Variants in BTBD16 observed in about 807,000 individuals in gnomAD.
The protein encoded by BTBD16 is BTB domain containing 16.
Under a neutral mutation model 67.4 loss-of-function variants are expected in BTBD16, and 66 were observed. The ratio of observed to expected loss-of-function variants is 0.98; its 90% CI spans 0.80 to 1.20. The LOEUF (loss-of-function observed/expected upper bound fraction) is 1.20, where lower values mean the gene tolerates loss of function less well. BTBD16 is among the 50% of genes most tolerant of loss of function. The pLI is 0.00. For synonymous variants in BTBD16, 242 were observed against 236.4 expected (o/e 1.02, Z -0.22); for missense variants, 634 against 616.0 (o/e 1.03, Z -0.31).
intron 11 of BTBD16, among the ~76,000 whole-genome samples, chr10:122,330,258 G>A (rs2096452955): frequency 6.6e-6 from 1 of 152,150 alleles, no homozygotes; most frequent in Non-Finnish European, 1.5e-5. Flanking sequence ...GAATGTTGGG[G>A]TGAGGCGTGG....
chr10:122,310,273 G>A (rs533638774), intron 10 of BTBD16, among the ~76,000 whole-genome samples: 8 of 152,310 alleles, frequency 5.3e-5, no homozygotes, highest in African/African-American at 1.7e-4. Flanking sequence ...GAAGAATGTC[G>A]CAGTAGATTA....
chr10:122,293,418 CGTT>C (rs2096377568), intron 7 of BTBD16, among the ~76,000 whole-genome samples: 1 of 152,132 alleles, frequency 6.6e-6, no homozygotes, highest in South Asian at 2.1e-4. Context: ...GTGGCAGCCT[CGTT>C]GGGAACGCAG....
chr10:122,324,632 G>T (rs969418522), intron 10 of BTBD16, among the ~76,000 whole-genome samples: 2 of 152,198 alleles, frequency 1.3e-5, no homozygotes, highest in East Asian at 3.8e-4. Context: ...GTGCAGGGAG[G>T]TTGGTATATT....
chr10:122,335,953 C>T (rs2096462663), intron 14 of BTBD16, among the ~76,000 whole-genome samples: 1 of 152,116 alleles, frequency 6.6e-6, no homozygotes, highest in Non-Finnish European at 1.5e-5. Context: ...ACTGCAACCT[C>T]CATATAAAGG....
chr10:122,274,821 C>T (rs530074099), intron 1 of BTBD16, among the ~76,000 whole-genome samples: 2 of 151,912 alleles, frequency 1.3e-5, no homozygotes, highest in South Asian at 4.2e-4. Context: ...AGAACAATAG[C>T]AGAGATCTCT....
rs371877046 is a variant in BTBD16 at position 122,329,566 on chromosome 10, C to T, written c.998C>T (p.Thr333Ile). ...LFLCLRLHGI[T>I]KGKDLEVLRH... is the part of the protein sequence containing the mutation. ...CTCTGCTTGCGTCTGCACGGCATCA[C>T]CAAAGGTAAGCCCCAGTCCAGGCGA... The change falls in exon 11 of 16, where the codon ACC becomes ATC. Residue 333 changes from threonine (T) to isoleucine (I), a missense_variant. Thr to Ile is a moderately conservative substitution (Grantham distance 89). Coordinates refer to ENST00000260723, the MANE Select transcript of BTBD16 (RefSeq NM_144587.5). 1.2e-6 allele frequency: 2 copies of T among 1,613,514 alleles called. No individual in the cohort carries two copies. Among genetic ancestry groups the T allele is most frequent in the African/African-American group, 2.7e-5 (2 of 74,946 alleles).
chr10:122,282,056 C>T (rs1256713967), intron 3 of BTBD16, among the ~76,000 whole-genome samples: 3 of 152,186 alleles, frequency 2.0e-5, no homozygotes, highest in African/African-American at 7.2e-5. Flanking sequence ...GCCTACATGA[C>T]GAATGGTATA....
chr10:122,301,129 C>T (rs957469130), intron 9 of BTBD16, among the ~76,000 whole-genome samples: 3 of 152,150 alleles, frequency 2.0e-5, no homozygotes, highest in East Asian at 3.9e-4. Context: ...GGTGCTCCCC[C>T]ACTCCCCAGC....
At chr10:122,336,237 A>G (rs1473745210) in intron 14 of BTBD16, among the ~76,000 whole-genome samples, 1 of 152,234 alleles carries the variant, frequency 6.6e-6, no homozygotes, top group Non-Finnish European at 1.5e-5. Flanking sequence ...TGGCAAAGGC[A>G]TCATAAAGCT....
chr10:122,332,537 A>AG, intron 13 of BTBD16, 24 bp downstream of exon 13: 5 of 1,601,138 alleles, frequency 3.1e-6, no homozygotes, highest in Non-Finnish European at 3.4e-6. Context: ...TACCCGAACA[A>AG]GGGGAAGAAC....
chr10:122,336,748 G>A lies in BTBD16; in HGVS notation c.1452+66G>A, dbSNP rs188506363. The A allele has an allele frequency of 4.5e-5, 64 of 1,407,652 alleles. 2 individuals are homozygous for A. In the African/African-American group the frequency reaches 6.5e-4, roughly 14 times the overall value. The allele number at this position is 1,407,652 out of a possible 1,614,324, so 87.2% of individuals were successfully genotyped here. ...TCTTTCTCTCCCCCATCCTTTTGGG[G>A]ATCACTGGCTTCTAATCTCCAGTGC... On this transcript the variant is annotated intron_variant, in intron 15 of 15. Coordinates refer to ENST00000260723, the MANE Select transcript of BTBD16 (RefSeq NM_144587.5).
chr10:122,320,127 A>T (rs958725661), intron 10 of BTBD16, among the ~76,000 whole-genome samples: 1 of 152,072 alleles, frequency 6.6e-6, no homozygotes, highest in Non-Finnish European at 1.5e-5. Context: ...CTACATAGGC[A>T]ATCATATCAC....
intron 11 of BTBD16, among the ~76,000 whole-genome samples, chr10:122,330,024 A>T (rs2096452689): frequency 6.6e-6 from 1 of 152,198 alleles, no homozygotes; most frequent in African/African-American, 2.4e-5. Flanking sequence ...GTATGTTTTC[A>T]GCAGTCCAGG....
Position 122,299,157 on chromosome 10 carries a change from C to A in BTBD16, c.791+23C>A. ...CAGGTCAGAGCTGGCTCCCAGGGTG[C>A]GGCCCCTGAGAGGGGGATGGGAGAA... is the stretch of plus-strand genomic sequence containing the variant. On this transcript the variant is annotated intron_variant, in intron 9 of 15. Coordinates refer to ENST00000260723, the MANE Select transcript of BTBD16 (RefSeq NM_144587.5). 3.1e-6 allele frequency: 5 copies of A among 1,610,624 alleles called. No individual in the cohort carries two copies. In the African/African-American group the frequency reaches 6.7e-5, roughly 21 times the overall value.
intron 2 of BTBD16, among the ~76,000 whole-genome samples, chr10:122,275,629 C>T (rs1437540799): frequency 6.6e-6 from 1 of 152,146 alleles, no homozygotes; most frequent in Non-Finnish European, 1.5e-5. Flanking sequence ...TGCTCTAGTC[C>T]GTGGCCCATG....
At chr10:122,293,085 C>CT (rs938880808) in intron 7 of BTBD16, among the ~76,000 whole-genome samples, 127 of 152,234 alleles carry the variant, frequency 8.3e-4, no homozygotes, top group Non-Finnish European at 9.3e-4. Context: ...TATCTTGTAG[C>CT]TTTTTTTCCC....
chr10:122,317,594 C>T (rs1273420889), intron 10 of BTBD16, among the ~76,000 whole-genome samples: 1 of 152,092 alleles, frequency 6.6e-6, no homozygotes, highest in Non-Finnish European at 1.5e-5. Context: ...TTGCAGTGAG[C>T]CGAGATCGCA....
At chr10:122,298,382 C>T (rs1044002520) in intron 8 of BTBD16, among the ~76,000 whole-genome samples, 1 of 152,190 alleles carries the variant, frequency 6.6e-6, no homozygotes, top group Non-Finnish European at 1.5e-5. Context: ...TCCCCTTCGC[C>T]CCACTGGTAA....
intron 10 of BTBD16, among the ~76,000 whole-genome samples, chr10:122,313,249 T>C (rs937314514): frequency 1.4e-5 from 2 of 141,326 alleles, no homozygotes; most frequent in African/African-American, 2.7e-5. Context: ...TCTTTTATAG[T>C]TAGTGCTGTT....
Sources: allele counts gnomAD v4.1 joint callset (sites outside exome capture counted in the v4.1 genomes callset), GRCh38; gene constraint gnomAD v4.1.1; transcripts MANE v1.5; gene names NCBI Gene and HGNC (gene_info 2026-07-23, HGNC 2026-07-21).